The following FARP1 variants were observed in gnomAD, a reference collection of about 807,000 sequenced individuals.
FARP1 encodes the protein FERM, ARHGEF and pleckstrin domain-containing protein 1.
Under a neutral mutation model 128.8 loss-of-function variants are expected in FARP1, and 52 were observed. That is an observed-to-expected ratio of 0.40 (90% CI 0.32 to 0.51). The LOEUF is 0.51. Ranked by LOEUF, FARP1 falls within the 20% of genes least tolerant of loss-of-function variation. The probability of loss-of-function intolerance (pLI) is 0.45; values close to 1 mark genes in which losing one functional copy is unlikely to be tolerated. For synonymous variants in FARP1, 580 were observed against 551.8 expected (o/e 1.05, Z -0.72); for missense variants, 1,333 against 1,367.9 (o/e 0.97, Z 0.40).
At chr13:98,260,391 TTTG>T (rs1435564214) in intron 2 of FARP1, among the ~76,000 whole-genome samples, 1 of 152,250 alleles carries the variant, frequency 6.6e-6, no homozygotes, top group African/African-American at 2.4e-5. Context: ...AACATTTTTC[TTTG>T]TTGTTCTTCA....
chr13:98,229,905 A>G (rs2139399129), intron 2 of FARP1, among the ~76,000 whole-genome samples: 1 of 152,302 alleles, frequency 6.6e-6, no homozygotes, highest in East Asian at 1.9e-4. Context: ...TAAGAATATG[A>G]AATAAAAATA....
intron 19 of FARP1, chr13:98,437,625 A>G (rs1002237508): frequency 6.1e-5 from 35 of 570,508 alleles, no homozygotes; most frequent in East Asian, 5.1e-4. Flanking sequence ...GCGTTTTTCT[A>G]TCAGCCAAGG....
At chr13:98,377,395 C>G (rs999205350) in intron 5 of FARP1, among the ~76,000 whole-genome samples, 6 of 149,052 alleles carry the variant, frequency 4.0e-5, no homozygotes, top group Admixed American at 6.7e-5. Context: ...AAAAAAATGA[C>G]GCCCCCTTGT....
At chr13:98,420,051 C>CA (rs1165782505) in intron 16 of FARP1, among the ~76,000 whole-genome samples, 2 of 152,154 alleles carry the variant, frequency 1.3e-5, no homozygotes, top group African/African-American at 4.8e-5. Flanking sequence ...CACGCCCTCT[C>CA]AGAGGGAGCC....
At chr13:98,424,211 G>A (rs2140151296) in intron 16 of FARP1, among the ~76,000 whole-genome samples, 1 of 152,304 alleles carries the variant, frequency 6.6e-6, no homozygotes, top group East Asian at 1.9e-4. Flanking sequence ...GCTACTTATT[G>A]CAAATGATCT....
intron 2 of FARP1, among the ~76,000 whole-genome samples, chr13:98,286,618 T>G (rs573459670): frequency 2.2e-4 from 33 of 152,288 alleles, no homozygotes; most frequent in African/African-American, 6.5e-4. Flanking sequence ...CCTTTAAACC[T>G]CTTTCTTTTG....
chr13:98,226,183 G>C (rs894159409), intron 2 of FARP1, among the ~76,000 whole-genome samples: 1 of 152,216 alleles, frequency 6.6e-6, no homozygotes. Flanking sequence ...TTCAGGGTTG[G>C]TTCCTTCCAA....
intron 6 of FARP1, among the ~76,000 whole-genome samples, chr13:98,381,170 G>A (rs1211798046): frequency 3.9e-5 from 6 of 152,150 alleles, no homozygotes; most frequent in Admixed American, 6.5e-5. Context: ...AAAATCTTCC[G>A]ATATGTGTAA....
At position 98,453,050 on chromosome 13, in the gene FARP1, T is replaced by G; in HGVS notation, c.*4733T>G. ...GTGTCCCTGGACGGGCGCCTGGCGC[T>G]GGGGTGGCTCCCAGTGGCGCACCTC... On this transcript the variant is annotated 3_prime_UTR_variant, in exon 27 of 27. Transcript: ENST00000319562. The G allele has an allele frequency of 8.9e-7, 1 of 1,124,196 alleles. No individual in the cohort carries two copies. The highest frequency in any genetic ancestry group is 1.3e-6 in the Non-Finnish European group (1 of 772,968). The allele number at this position is 1,124,196 out of a possible 1,614,324, so 69.6% of individuals were successfully genotyped here.
At chr13:98,209,911 G>C (rs1180496776) in intron 1 of FARP1, among the ~76,000 whole-genome samples, 3 of 151,152 alleles carry the variant, frequency 2.0e-5, no homozygotes, top group Non-Finnish European at 4.4e-5. Context: ...GAACCTGGGA[G>C]GTGGAGGTTG....
At chr13:98,235,835 TTC>T in intron 2 of FARP1, among the ~76,000 whole-genome samples, 1 of 151,388 alleles carries the variant, frequency 6.6e-6, no homozygotes. Context: ...TTTTTTTTTT[TTC>T]CCTGAGACAG....
At chr13:98,182,850 GTTTC>G (rs1276094039) in intron 1 of FARP1, among the ~76,000 whole-genome samples, 2 of 152,290 alleles carry the variant, frequency 1.3e-5, no homozygotes, top group African/African-American at 2.4e-5. Flanking sequence ...CTGGGTTAAT[GTTTC>G]TTTCTTTTGC....
At chr13:98,205,615 G>A (rs1426884118) in intron 1 of FARP1, among the ~76,000 whole-genome samples, 7 of 152,012 alleles carry the variant, frequency 4.6e-5, no homozygotes, top group African/African-American at 1.4e-4. Flanking sequence ...GGGTGGTCTC[G>A]ATCTCCTGAC....
At chr13:98,415,405 A>G (rs529967118) in intron 16 of FARP1, among the ~76,000 whole-genome samples, 1 of 152,320 alleles carries the variant, frequency 6.6e-6, no homozygotes, top group South Asian at 2.1e-4. Flanking sequence ...TTGTTTCTTT[A>G]GTCTACAAGC....
At chr13:98,381,035 A>C (rs1889871857) in intron 6 of FARP1, among the ~76,000 whole-genome samples, 1 of 152,204 alleles carries the variant, frequency 6.6e-6, no homozygotes, top group Admixed American at 6.5e-5. Flanking sequence ...TCCCCCCAGA[A>C]ACCAGCAAGT....
chr13:98,354,728 A>G (rs796771698), intron 3 of FARP1, among the ~76,000 whole-genome samples: 5 of 152,364 alleles, frequency 3.3e-5, no homozygotes, highest in African/African-American at 1.2e-4. Context: ...AGTTTTATTC[A>G]TAACTCCAAA....
intron 16 of FARP1, among the ~76,000 whole-genome samples, chr13:98,419,893 G>A (rs561024560): frequency 7.9e-5 from 12 of 152,230 alleles, no homozygotes; most frequent in Non-Finnish European, 1.6e-4. Context: ...AGGAGAGAAG[G>A]GGAGAGCTGG....
At chr13:98,218,650 G>A (rs1881239799) in intron 2 of FARP1, among the ~76,000 whole-genome samples, 3 of 152,178 alleles carry the variant, frequency 2.0e-5, no homozygotes, top group Admixed American at 6.5e-5. Context: ...GAGTGAAGAA[G>A]CATGCCACGA....
In FARP1 at chr13:98,165,717, T is replaced by G. The variant is rs1255826689; in HGVS notation, c.-24+22225T>G. On this transcript the variant is annotated intron_variant, in intron 1 of 26. Coordinates refer to ENST00000319562, the MANE Select transcript of FARP1 (RefSeq NM_005766.4). The stretch of plus-strand genomic sequence containing the variant: ...AAAACCCTTCCAGAAGGGGTTTTTT[T>G]TTTTTTTTTTTTTTTTTTTTTTTTT... Among the ~76,000 whole-genome samples the G allele has an allele frequency of 1.9e-3, 105 of 56,548 alleles. 1 individual carries two copies. The highest frequency in any genetic ancestry group is 2.6e-3 in the Non-Finnish European group (72 of 28,030). 37.1% of individuals were successfully genotyped at this position (56,548 alleles called of 152,430 possible).
Sources: gnomAD v4.1 joint callset for allele counts (sites outside exome capture counted in the v4.1 genomes callset) on GRCh38, gnomAD v4.1.1 for gene constraint, MANE v1.5 for transcripts, NCBI Gene and HGNC (gene_info 2026-07-23, HGNC 2026-07-21) for gene names.